The following SDK1 variants were observed in gnomAD, a reference collection of about 807,000 sequenced individuals.
SDK1 encodes the protein protein sidekick-1.
Under a neutral mutation model 245.5 loss-of-function variants are expected in SDK1, and 157 were observed. That is an observed-to-expected ratio of 0.64 (90% CI 0.56 to 0.73). The LOEUF (loss-of-function observed/expected upper bound fraction) is 0.73. SDK1 is among the 30% of genes least tolerant of loss of function. The pLI, the probability that SDK1 is intolerant of heterozygous loss-of-function variation, is 0.00. For missense variants in SDK1, 3,583 were observed against 3,002.3 expected (o/e 1.19, Z -4.52); for synonymous variants, 1,647 against 1,278.5 (o/e 1.29, Z -6.15).
Position 3,301,536 on chromosome 7 carries a change from T to A in SDK1, c.-51T>A. On this transcript the variant is annotated 5_prime_UTR_variant, in exon 1 of 45. Transcript: ENST00000404826. ...CGCCCGCTCGGAGCCGTCCCGCCTG[T>A]CCTGCCCGCCCGTCCGTCCGGCGCG... The A allele has an allele frequency of 1.5e-6, 1 of 677,742 alleles. No individual in the cohort carries two copies. The highest frequency in any genetic ancestry group is 1.8e-6 in the Non-Finnish European group (1 of 553,626). The allele number at this position is 677,742 out of a possible 1,614,324, so 42.0% of individuals were successfully genotyped here.
In SDK1 at chr7:3,691,744, G is replaced by C. The variant is rs573442374; in HGVS notation, c.713+49639G>C. ...CAGGTGTGAATGCGTAGAAGTCAGA[G>C]ATTTAAAAAATAGGGGGCTTGTAGT... is the stretch of plus-strand genomic sequence containing the variant. On this transcript the variant is annotated intron_variant, in intron 4 of 44. Coordinates refer to ENST00000404826, the MANE Select transcript of SDK1 (RefSeq NM_152744.4). 2.0e-4 allele frequency among the ~76,000 whole-genome samples: 31 copies of C among 152,278 alleles called. 1 individual carries two copies. Among genetic ancestry groups the C allele is most frequent in the African/African-American group, 7.5e-4 (31 of 41,562 alleles).
intron 4 of SDK1, among the ~76,000 whole-genome samples, chr7:3,721,134 T>G (rs879425869): frequency 6.6e-6 from 1 of 152,118 alleles, no homozygotes; most frequent in Non-Finnish European, 1.5e-5. Context: ...GGGTGGGGCT[T>G]AAAAAGGGAG....
At chr7:4,005,437 T>TGTGTGTGTGTGTG (rs1785405074) in intron 14 of SDK1, among the ~76,000 whole-genome samples, 1 of 148,244 alleles carries the variant, frequency 6.7e-6, no homozygotes, top group Non-Finnish European at 1.5e-5. Flanking sequence ...TGTGTGTGTG[T>TGTGTGTGTGTGTG]TAATACTTCT....
At chr7:4,080,899 C>T (rs998079756) in intron 22 of SDK1, among the ~76,000 whole-genome samples, 1 of 152,128 alleles carries the variant, frequency 6.6e-6, no homozygotes, top group Non-Finnish European at 1.5e-5. Context: ...GAAAATCAGT[C>T]TTCAGCAAAT....
intron 28 of SDK1, among the ~76,000 whole-genome samples, chr7:4,141,573 C>T (rs931016197): frequency 3.3e-5 from 5 of 152,208 alleles, no homozygotes; most frequent in African/African-American, 1.2e-4. Context: ...CTTAATCACA[C>T]ACAACTCTCC....
chr7:3,586,282 C>A (rs1333424875), intron 1 of SDK1, among the ~76,000 whole-genome samples: 1 of 151,882 alleles, frequency 6.6e-6, no homozygotes, highest in Non-Finnish European at 1.5e-5. Flanking sequence ...CCGAAAGAGC[C>A]CGCCCTAGGC....
At chr7:4,264,861 G>A (rs974859477) in intron 44 of SDK1, among the ~76,000 whole-genome samples, 1 of 152,146 alleles carries the variant, frequency 6.6e-6, no homozygotes, top group Non-Finnish European at 1.5e-5. Flanking sequence ...GCTCTTCTCG[G>A]AAACCTGGTA....
At chr7:4,175,967 G>GC in intron 34 of SDK1, 133 bp downstream of exon 34, 1 of 721,486 alleles carries the variant, frequency 1.4e-6, no homozygotes, top group South Asian at 1.5e-5. Flanking sequence ...CTCAAACGCT[G>GC]CGTCTCCACA....
intron 1 of SDK1, among the ~76,000 whole-genome samples, chr7:3,353,864 G>A (rs1262901529): frequency 6.8e-6 from 1 of 146,854 alleles, no homozygotes; most frequent in Non-Finnish European, 1.5e-5. Context: ...CCATGCAGAT[G>A]CTTTCTGTAC....
chr7:4,250,078 A>G (rs1254356906), intron 44 of SDK1, among the ~76,000 whole-genome samples: 1 of 152,192 alleles, frequency 6.6e-6, no homozygotes, highest in Non-Finnish European at 1.5e-5. Context: ...GCTCTTGGCA[A>G]CCAGTAAGCT....
intron 4 of SDK1, among the ~76,000 whole-genome samples, chr7:3,765,790 A>G (rs913319970): frequency 6.6e-5 from 10 of 152,130 alleles, no homozygotes; most frequent in African/African-American, 2.4e-4. Context: ...TAAAAATTCT[A>G]TGTAAAAGGC....
At chr7:4,032,736 A>G (rs1787916986) in intron 17 of SDK1, among the ~76,000 whole-genome samples, 2 of 152,192 alleles carry the variant, frequency 1.3e-5, no homozygotes, top group South Asian at 2.1e-4. Flanking sequence ...ACAGAATAAC[A>G]TTAGAAAAGA....
intron 1 of SDK1, among the ~76,000 whole-genome samples, chr7:3,567,353 A>C (rs999695977): frequency 6.6e-6 from 1 of 152,226 alleles, no homozygotes; most frequent in African/African-American, 2.4e-5. Flanking sequence ...GTAAATGCCT[A>C]GTCAGTAGCA....
intron 1 of SDK1, among the ~76,000 whole-genome samples, chr7:3,371,404 A>G (rs1490239355): frequency 6.6e-6 from 1 of 152,134 alleles, no homozygotes; most frequent in Non-Finnish European, 1.5e-5. Flanking sequence ...TCTCTCTGAA[A>G]ATGGTTACAT....
chr7:3,872,149 A>T (rs116294005), intron 5 of SDK1, among the ~76,000 whole-genome samples: 7,787 of 152,166 alleles, frequency 0.051, 630 homozygotes, highest in African/African-American at 0.17. Context: ...ATTGGTAATA[A>T]TATGTTATTC....
intron 25 of SDK1, among the ~76,000 whole-genome samples, chr7:4,122,777 C>CA (rs1784152815): frequency 6.6e-6 from 1 of 152,160 alleles, no homozygotes; most frequent in African/African-American, 2.4e-5. Flanking sequence ...AAGAACATCT[C>CA]AAAACGTAAG....
At chr7:3,809,479 G>A (rs186131034) in intron 4 of SDK1, among the ~76,000 whole-genome samples, 2 of 152,288 alleles carry the variant, frequency 1.3e-5, no homozygotes, top group East Asian at 1.9e-4. Context: ...AGGTGCTCCC[G>A]TCTCTGCTGG....
intron 22 of SDK1, among the ~76,000 whole-genome samples, chr7:4,104,469 C>T (rs898316503): frequency 1.1e-4 from 17 of 152,306 alleles, no homozygotes; most frequent in Admixed American, 3.3e-4. Context: ...TGGATGCTAC[C>T]TCATAGAAGA....
At chr7:3,695,032 C>T (rs1429447854) in intron 4 of SDK1, among the ~76,000 whole-genome samples, 1 of 152,128 alleles carries the variant, frequency 6.6e-6, no homozygotes, top group Non-Finnish European at 1.5e-5. Flanking sequence ...AAAGGTGTTT[C>T]ATTGGGAAAC....
Sources: gnomAD v4.1 joint callset for allele counts (sites outside exome capture counted in the v4.1 genomes callset) on GRCh38, gnomAD v4.1.1 for gene constraint, MANE v1.5 for transcripts, NCBI Gene and HGNC (gene_info 2026-07-23, HGNC 2026-07-21) for gene names.